PHF24: variants seen among roughly 807,000 people sequenced by gnomAD.
PHF24 encodes Galpha inhibitory interacting protein.
In PHF24, 25 loss-of-function variants were observed where a neutral mutation model predicts 42.6. The observed-to-expected ratio is 0.59, with a 90% CI of 0.43 to 0.82. The LOEUF (loss-of-function observed/expected upper bound fraction) is 0.82. Among genes scored for constraint, PHF24 ranks in the 40% least tolerant of loss-of-function variants. PHF24 has a pLI of 0.00. For missense variants in PHF24, 470 were observed against 538.1 expected (o/e 0.87, Z 1.25); for synonymous variants, 185 against 204.8 (o/e 0.90, Z 0.83).
At chr9:34,961,189 T>C (rs1674336507) in intron 1 of PHF24, among the ~76,000 whole-genome samples, 1 of 152,250 alleles carries the variant, frequency 6.6e-6, no homozygotes, top group South Asian at 2.1e-4. Flanking sequence ...GAATCTATTA[T>C]CTTTTAGTCC....
the PHF24 span, among the ~76,000 whole-genome samples, chr9:34,936,966 C>T: frequency 6.2e-5 from 9 of 145,048 alleles, no homozygotes; most frequent in South Asian, 2.2e-4. Flanking sequence ...CCACCCCGTC[C>T]GGGAGGGAGG....
the PHF24 span, among the ~76,000 whole-genome samples, chr9:34,779,859 G>A: frequency 6.6e-6 from 1 of 152,164 alleles, no homozygotes; most frequent in Non-Finnish European, 1.5e-5. Flanking sequence ...CTGAGTAGCT[G>A]GGAGTACAGG....
At chr9:34,897,924 G>A in the PHF24 span, among the ~76,000 whole-genome samples, 1 of 152,286 alleles carries the variant, frequency 6.6e-6, no homozygotes, top group Non-Finnish European at 1.5e-5. Flanking sequence ...AACATATGAT[G>A]TTTGGTTTTC....
chr9:34,724,245 T>C, the PHF24 span: 7 of 1,551,420 alleles, frequency 4.5e-6, no homozygotes, highest in African/African-American at 1.4e-5. Context: ...ATGTCCCCAC[T>C]GGGCTGTGAG....
exon 4 of PHF24, chr9:34,976,201 A>T (rs750364371): frequency 6.2e-7 from 1 of 1,614,100 alleles, no homozygotes; most frequent in Non-Finnish European, 8.5e-7. Flanking sequence ...AGCCTCACGG[A>T]GACCTTTCAG....
the PHF24 span, among the ~76,000 whole-genome samples, chr9:34,940,260 C>A: frequency 6.6e-6 from 1 of 152,126 alleles, no homozygotes; most frequent in African/African-American, 2.4e-5. Flanking sequence ...AAGAGACACA[C>A]AATTCTCCCT....
At chr9:34,978,276 A>G in exon 8 of PHF24, 1 of 602,672 alleles carries the variant, frequency 1.7e-6, no homozygotes, top group South Asian at 2.0e-5. Flanking sequence ...TTCCCCTCAC[A>G]ATAGAGGCAG....
At chr9:34,724,593 G>C in the PHF24 span, 1 of 1,532,950 alleles carries the variant, frequency 6.5e-7, no homozygotes, top group Non-Finnish European at 8.8e-7. Flanking sequence ...TGTGTCTGGA[G>C]TGAGTGGGGG....
chr9:34,814,955 A>G, the PHF24 span, among the ~76,000 whole-genome samples: 1 of 152,216 alleles, frequency 6.6e-6, no homozygotes, highest in Admixed American at 6.5e-5. Context: ...TGGCCAGGCT[A>G]GTCTCGAACT....
At chr9:34,968,576 C>A (rs1307434293) in intron 1 of PHF24, among the ~76,000 whole-genome samples, 1 of 152,154 alleles carries the variant, frequency 6.6e-6, no homozygotes, top group Non-Finnish European at 1.5e-5. Flanking sequence ...ATATGAATTT[C>A]CTTGGTAGTA....
the PHF24 span, among the ~76,000 whole-genome samples, chr9:34,741,337 ATTTCT>A: frequency 1.3e-5 from 2 of 151,830 alleles, no homozygotes; most frequent in East Asian, 3.9e-4. Context: ...ACAAGGCAGT[ATTTCT>A]TTTCTTTTCT....
chr9:34,682,362 T>C, the PHF24 span, among the ~76,000 whole-genome samples: 17 of 152,224 alleles, frequency 1.1e-4, no homozygotes, highest in South Asian at 6.2e-4. Flanking sequence ...ACACAGTCTA[T>C]GGAATTTTGT....
the PHF24 span, among the ~76,000 whole-genome samples, chr9:34,697,979 T>C: frequency 1.3e-5 from 2 of 152,110 alleles, no homozygotes; most frequent in Admixed American, 1.3e-4. Context: ...TACTATGAAA[T>C]CTGTAGGGAT....
chr9:34,832,658 AATTTT>A, the PHF24 span: 160 of 1,538,964 alleles, frequency 1.0e-4, no homozygotes, highest in Admixed American at 4.1e-4. Context: ...GAAAACATTT[AATTTT>A]ATTTCTGAAG....
At chr9:34,666,552 AT>A in the PHF24 span, among the ~76,000 whole-genome samples, 91 of 132,574 alleles carry the variant, frequency 6.9e-4, 1 homozygote, top group Middle Eastern at 3.9e-3. Context: ...TCTTCTTGTG[AT>A]TTTTTTTTTT....
At position 34,968,385 on chromosome 9, in the gene PHF24, C is replaced by T. The variant is rs549821631; in HGVS notation, c.-4-2910C>T. Among the ~76,000 whole-genome samples, 4 of 152,276 alleles carry T rather than the reference C, an allele frequency of 2.6e-5. No individual in the cohort carries two copies. In the Middle Eastern group the frequency reaches 0.014, roughly 518 times the overall value. ...GAGGCATGAATACCCTAAATGATTT[C>T]CTGAATGTGCTCAATAAATCTTTCT... On this transcript the variant is annotated intron_variant, in intron 1 of 7. Coordinates refer to ENST00000242315, the Ensembl canonical transcript of PHF24.
At chr9:34,854,192 A>ATTTTTTTTTTTTTTCAAAAAAAATTAGCT in the PHF24 span, among the ~76,000 whole-genome samples, 1 of 69,862 alleles carries the variant, frequency 1.4e-5, no homozygotes, top group African/African-American at 4.1e-5. Context: ...CTAGCAGTCT[A>ATTTTTTTTTTTTTTCAAAAAAAATTAGCT]TCTATTTTTT....
chr9:34,745,272 C>T, the PHF24 span, among the ~76,000 whole-genome samples: 1 of 152,112 alleles, frequency 6.6e-6, no homozygotes, highest in African/African-American at 2.4e-5. Flanking sequence ...TTCTTGGATC[C>T]ACAGCTATAC....
At chr9:34,842,289 A>G in the PHF24 span, among the ~76,000 whole-genome samples, 10 of 152,204 alleles carry the variant, frequency 6.6e-5, no homozygotes, top group Non-Finnish European at 1.2e-4. Flanking sequence ...TAATGCTGCT[A>G]TGAACATTCA....
Sources: gnomAD v4.1 joint callset for allele counts (sites outside exome capture counted in the v4.1 genomes callset) on GRCh38, gnomAD v4.1.1 for gene constraint, MANE v1.5 for transcripts, NCBI Gene and HGNC (gene_info 2026-07-23, HGNC 2026-07-21) for gene names.